Variants in ITPK1 observed in about 807,000 individuals in gnomAD.
ITPK1 encodes inositol 1,3,4-trisphosphate 5/6-kinase.
In ITPK1, 21 loss-of-function variants were observed where a neutral mutation model predicts 45.3. The ratio of observed to expected loss-of-function variants is 0.46; its 90% CI spans 0.33 to 0.67. The LOEUF (loss-of-function observed/expected upper bound fraction) is 0.67. ITPK1 is among the 30% of genes least tolerant of loss of function. The pLI, the probability that ITPK1 is intolerant of heterozygous loss-of-function variation, is 0.02. For missense variants in ITPK1, 474 were observed against 573.5 expected (o/e 0.83, Z 1.77); for synonymous variants, 258 against 253.6 (o/e 1.02, Z -0.16).
At chr14:92,965,821 T>G (rs370551488) in intron 5 of ITPK1, among the ~76,000 whole-genome samples, 20 of 152,158 alleles carry the variant, frequency 1.3e-4, no homozygotes, top group Admixed American at 4.6e-4. Context: ...CTGATCAACA[T>G]GGAGAAAACC....
chr14:92,980,049 G>C (rs1242545823), intron 5 of ITPK1, among the ~76,000 whole-genome samples: 7 of 152,112 alleles, frequency 4.6e-5, no homozygotes, highest in Non-Finnish European at 7.3e-5. Flanking sequence ...TCAAAGTGCT[G>C]GGTTTACAGG....
At chr14:92,984,208 A>T (rs1886378323) in intron 5 of ITPK1, among the ~76,000 whole-genome samples, 1 of 152,202 alleles carries the variant, frequency 6.6e-6, no homozygotes, top group African/African-American at 2.4e-5. Context: ...AAGCACCAGC[A>T]ATGAGGGCCC....
At chr14:93,087,384 C>T (rs145979335) in intron 2 of ITPK1, among the ~76,000 whole-genome samples, 34 of 152,344 alleles carry the variant, frequency 2.2e-4, no homozygotes, top group African/African-American at 7.9e-4. Flanking sequence ...AGCAGTGGCA[C>T]ATGCCTATAA....
chr14:93,083,723 A>G (rs1291716271), intron 2 of ITPK1, among the ~76,000 whole-genome samples: 2 of 152,166 alleles, frequency 1.3e-5, no homozygotes, highest in Non-Finnish European at 1.5e-5. Flanking sequence ...CAGATGACTA[A>G]GCCCCGTCAC....
chr14:92,995,458 A>G (rs1887003922), intron 4 of ITPK1, among the ~76,000 whole-genome samples: 1 of 152,222 alleles, frequency 6.6e-6, no homozygotes, highest in Non-Finnish European at 1.5e-5. Flanking sequence ...TTTTAACACA[A>G]AAACCAGAGA....
At chr14:93,003,079 G>A (rs1435185459) in intron 4 of ITPK1, among the ~76,000 whole-genome samples, 4 of 152,194 alleles carry the variant, frequency 2.6e-5, no homozygotes, top group Middle Eastern at 3.2e-3. Context: ...GTCAGGGCCA[G>A]CACTGCACTT....
chr14:92,988,640 G>T lies in ITPK1; in HGVS notation c.364+5240C>A, dbSNP rs151079926. Among the ~76,000 whole-genome samples the T allele has an allele frequency of 2.2e-3, 333 of 152,262 alleles. 1 individual carries two copies. Among genetic ancestry groups the T allele is most frequent in the African/African-American group, 7.5e-3 (310 of 41,552 alleles). ...TCCATCAGCCACAGGGGAACTGGGG[G>T]TGTGGAAGGGGTACACACAGGGGTG... On this transcript the variant is annotated intron_variant, in intron 5 of 10. Transcript: ENST00000267615.
At chr14:93,020,659 C>T (rs1888419511) in intron 3 of ITPK1, among the ~76,000 whole-genome samples, 1 of 152,208 alleles carries the variant, frequency 6.6e-6, no homozygotes, top group South Asian at 2.1e-4. Flanking sequence ...CTGTCTCCTG[C>T]TCCTGCGCTG....
intron 4 of ITPK1, among the ~76,000 whole-genome samples, chr14:93,008,758 G>A (rs943714445): frequency 1.3e-5 from 2 of 152,218 alleles, no homozygotes; most frequent in Non-Finnish European, 2.9e-5. Context: ...ACAGAAACAC[G>A]TTGGGAAGTC....
At chr14:92,954,684 C>G (rs1308810369) in intron 8 of ITPK1, among the ~76,000 whole-genome samples, 1 of 152,208 alleles carries the variant, frequency 6.6e-6, no homozygotes, top group Non-Finnish European at 1.5e-5. Context: ...ATCCCAGCAA[C>G]TCAGCCGTAC....
chr14:92,973,619 C>T (rs80109515), intron 5 of ITPK1, among the ~76,000 whole-genome samples: 3,423 of 152,306 alleles, frequency 0.022, 128 homozygotes, highest in African/African-American at 0.079. Context: ...TCTGTGCATC[C>T]GGGTGAACCA....
intron 10 of ITPK1, among the ~76,000 whole-genome samples, chr14:92,945,081 G>GA (rs1422634112): frequency 6.6e-6 from 1 of 152,214 alleles, no homozygotes; most frequent in African/African-American, 2.4e-5. Context: ...AGAGGAGCCC[G>GA]CTGACCGCCC....
intron 4 of ITPK1, among the ~76,000 whole-genome samples, chr14:93,013,062 C>T (rs1362046040): frequency 6.6e-6 from 1 of 152,192 alleles, no homozygotes; most frequent in Non-Finnish European, 1.5e-5. Flanking sequence ...CTAGTGTCCC[C>T]GAGCCTGAGG....
At chr14:93,064,552 T>G (rs1890669043) in intron 3 of ITPK1, among the ~76,000 whole-genome samples, 1 of 152,110 alleles carries the variant, frequency 6.6e-6, no homozygotes, top group Non-Finnish European at 1.5e-5. Context: ...AGGCGGCTTC[T>G]GTAGAAGTGC....
rs1025753644 is a variant in ITPK1 at position 93,032,450 on chromosome 14, G to A, written c.121-15649C>T. Among the ~76,000 whole-genome samples the A allele has an allele frequency of 6.6e-6, 1 of 152,188 alleles. No individual in the cohort carries two copies. The highest frequency in any genetic ancestry group is 1.5e-5 in the Non-Finnish European group (1 of 68,034). ...AAATCATTTGCAAAGACTCGGTTGC[G>A]TCAAGCTAAGCAGCAGCAGAAGCTT... On this transcript the variant is annotated intron_variant, in intron 3 of 10. Coordinates refer to ENST00000267615, the MANE Select transcript of ITPK1 (RefSeq NM_014216.6). This position sits in a 1 kb window ranked among gnomAD's most constrained non-coding sequence, Gnocchi z 4.0.
In ITPK1 at chr14:92,941,679, G is replaced by C. The variant is rs966750723; in HGVS notation, c.1127C>G (p.Ala376Gly). The C allele has an allele frequency of 6.5e-7, 1 of 1,546,140 alleles. No individual in the cohort carries two copies. The highest frequency in any genetic ancestry group is 2.4e-5 in the East Asian group (1 of 41,160). ...CAGCTTGGCGGTGCCGCCCGCGTCGGCCTCAGCCTTCCAGGGCGCGTCCTG... is the reference window on the plus strand; with the variant it reads ...CAGCTTGGCGGTGCCGCCCGCGTCGCCCTCAGCCTTCCAGGGCGCGTCCTG... ...MGQDAPWKAE[A>G]DAGGTAKLPH... The change falls in exon 11 of 11, where the codon GCC (alanine) becomes GGC (glycine). Residue 376 changes from alanine to glycine, a missense_variant. Ala to Gly is a moderately conservative substitution (Grantham distance 60). Around this residue, in one of 2 missense-constraint regions of ITPK1, gnomAD observed 107 missense variants for 92.9 expected, o/e 1.15. Coordinates refer to ENST00000267615, the MANE Select transcript of ITPK1 (RefSeq NM_014216.6).
At chr14:93,042,829 G>A (rs2139914056) in intron 3 of ITPK1, among the ~76,000 whole-genome samples, 1 of 152,246 alleles carries the variant, frequency 6.6e-6, no homozygotes. Flanking sequence ...ACCAACCTGA[G>A]CAACATGGTG....
chr14:93,039,690 T>C (rs1435484855), intron 3 of ITPK1, among the ~76,000 whole-genome samples: 8 of 152,212 alleles, frequency 5.3e-5, no homozygotes, highest in Admixed American at 5.2e-4. Flanking sequence ...ACAGGGTCGC[T>C]GTGATAAGTC....
At chr14:93,022,967 G>A (rs940266190) in intron 3 of ITPK1, among the ~76,000 whole-genome samples, 3 of 152,344 alleles carry the variant, frequency 2.0e-5, no homozygotes, top group Non-Finnish European at 4.4e-5. Flanking sequence ...CTGTGGAAAA[G>A]GCTGATAAGA....
Sources: gnomAD v4.1 joint callset for allele counts (sites outside exome capture counted in the v4.1 genomes callset) on GRCh38, gnomAD v4.1.1 for gene constraint, gnomAD v4.1.1 regional missense constraint, Gnocchi (gnomAD v3.1) non-coding constraint, MANE v1.5 for transcripts, NCBI Gene and HGNC (gene_info 2026-07-23, HGNC 2026-07-21) for gene names.